The following NALF1 variants were observed in gnomAD, a reference collection of about 807,000 sequenced individuals.
NALF1 encodes the protein family with sequence similarity 155 member A.
A neutral mutation model predicts 48.4 loss-of-function variants in NALF1; 3 were observed. The observed-to-expected ratio is 0.06, with a 90% CI of 0.03 to 0.16. The LOEUF (loss-of-function observed/expected upper bound fraction) is 0.16. NALF1 is among the 10% of genes least tolerant of loss of function. NALF1 has a pLI of 1.00. For missense variants in NALF1, 526 were observed against 571.5 expected (o/e 0.92, Z 0.81); for synonymous variants, 262 against 245.7 (o/e 1.07, Z -0.62).
At chr13:107,435,062 T>C (rs1383868991) in intron 1 of NALF1, among the ~76,000 whole-genome samples, 1 of 152,058 alleles carries the variant, frequency 6.6e-6, no homozygotes, top group Non-Finnish European at 1.5e-5. Flanking sequence ...TGTCCTGCTT[T>C]GGTTCTATGA....
chr13:107,680,078 AGTGCCCAGGTGCCCAT>A (rs1881240427), intron 1 of NALF1, among the ~76,000 whole-genome samples: 1 of 152,112 alleles, frequency 6.6e-6, no homozygotes, highest in Non-Finnish European at 1.5e-5. Context: ...TCCCTGCCTG[AGTGCCCAGGTGCCCAT>A]GTGCCCAGGT....
At chr13:107,809,867 C>G (rs1878933236) in intron 1 of NALF1, among the ~76,000 whole-genome samples, 1 of 152,044 alleles carries the variant, frequency 6.6e-6, no homozygotes, top group African/African-American at 2.4e-5. Context: ...CATTTATCAA[C>G]TGCATTCTGT....
chr13:107,440,727 T>G (rs1174262911), intron 1 of NALF1, among the ~76,000 whole-genome samples: 1 of 152,142 alleles, frequency 6.6e-6, no homozygotes, highest in East Asian at 1.9e-4. Context: ...AAATTGGATT[T>G]TTGTGAACTA....
chr13:107,363,752 T>A (rs558132196), intron 1 of NALF1, among the ~76,000 whole-genome samples: 54 of 152,348 alleles, frequency 3.5e-4, no homozygotes, highest in African/African-American at 1.2e-3. Context: ...GCCCTAAAGT[T>A]TTCTTGGATC....
chr13:107,456,289 A>G (rs936514985), intron 1 of NALF1, among the ~76,000 whole-genome samples: 2 of 152,226 alleles, frequency 1.3e-5, no homozygotes, highest in Non-Finnish European at 2.9e-5. Context: ...GCATGAAAGT[A>G]AAAGCAATGG....
chr13:107,296,116 T>C (rs1003150634), intron 1 of NALF1, among the ~76,000 whole-genome samples: 1 of 152,232 alleles, frequency 6.6e-6, no homozygotes, highest in African/African-American at 2.4e-5. Flanking sequence ...TCTAATTTAA[T>C]AATACATGAA....
intron 2 of NALF1, among the ~76,000 whole-genome samples, chr13:107,203,097 G>A (rs765349891): frequency 9.9e-5 from 15 of 152,124 alleles, no homozygotes; most frequent in Non-Finnish European, 1.9e-4. Flanking sequence ...CAAAGAATTC[G>A]CGAATTCTTC....
At chr13:107,598,866 T>A (rs759509319) in intron 1 of NALF1, among the ~76,000 whole-genome samples, 10 of 152,182 alleles carry the variant, frequency 6.6e-5, no homozygotes, top group African/African-American at 2.4e-4. Flanking sequence ...TTCTCACTTA[T>A]CATGATCTGA....
At chr13:107,194,356 T>C (rs769584600) in intron 2 of NALF1, among the ~76,000 whole-genome samples, 3 of 152,178 alleles carry the variant, frequency 2.0e-5, no homozygotes, top group South Asian at 2.1e-4. Flanking sequence ...CAAAACAGCA[T>C]GGTATGCATA....
In NALF1 at chr13:107,680,414, G is replaced by A. The variant is rs541781047; in HGVS notation, c.915+185268C>T. ...CTTACGTTCATACGTGTATGAGTGT[G>A]TGTGCGTGTGAGTGTGAACATGTGA... On this transcript the variant is annotated intron_variant, in intron 1 of 2. Coordinates refer to ENST00000375915, the MANE Select transcript of NALF1 (RefSeq NM_001080396.3). Among the ~76,000 whole-genome samples, 286 of 152,226 alleles carry A rather than the reference G, an allele frequency of 1.9e-3. 10 individuals are homozygous for A. The East Asian group carries it at 0.046, about 24-fold the overall frequency.
At chr13:107,551,384 T>G (rs1877288961) in intron 1 of NALF1, among the ~76,000 whole-genome samples, 1 of 152,174 alleles carries the variant, frequency 6.6e-6, no homozygotes, top group Admixed American at 6.5e-5. Flanking sequence ...GAATCCACAG[T>G]AATTTTAAAA....
chr13:107,419,346 G>C (rs540463963), intron 1 of NALF1, among the ~76,000 whole-genome samples: 2 of 152,320 alleles, frequency 1.3e-5, no homozygotes, highest in South Asian at 4.1e-4. Flanking sequence ...ATATGTGCCT[G>C]TCTCTAAACC....
Position 107,867,145 on chromosome 13 carries a change from C to T in NALF1, c.-549G>A, listed in dbSNP as rs527313704. Among the ~76,000 whole-genome samples, 3 of 151,706 alleles carry T rather than the reference C, an allele frequency of 2.0e-5. No homozygotes were observed. In the South Asian group the frequency reaches 6.2e-4, roughly 31 times the overall value. On this transcript the variant is annotated 5_prime_UTR_variant, in exon 1 of 3. Coordinates refer to ENST00000375915, the MANE Select transcript of NALF1 (RefSeq NM_001080396.3). The surrounding 1 kb of genome is among the most constrained non-coding windows in gnomAD (Gnocchi z 4.4). The stretch of plus-strand genomic sequence containing the variant: ...CTCCCCTCCTCCTCCTCCTCCTCCT[C>T]TTCTTCTCCTCCTCTTCCTCCTCCT...
At chr13:107,747,222 CAGCATT>C (rs1470837467) in intron 1 of NALF1, among the ~76,000 whole-genome samples, 4 of 152,326 alleles carry the variant, frequency 2.6e-5, no homozygotes, top group African/African-American at 4.8e-5. Flanking sequence ...CATTTCTTCA[CAGCATT>C]ATTTGCTATT....
chr13:107,254,062 A>AAAAAATATATATATATATATATATAT, intron 1 of NALF1, among the ~76,000 whole-genome samples: 3 of 138,682 alleles, frequency 2.2e-5, no homozygotes, highest in African/African-American at 8.1e-5. Context: ...CAAGTACTAA[A>AAAAAATATATATATATATATATATAT]ATATATATAT....
intron 1 of NALF1, among the ~76,000 whole-genome samples, chr13:107,591,395 A>C (rs1202538800): frequency 6.6e-6 from 1 of 152,084 alleles, no homozygotes; most frequent in Non-Finnish European, 1.5e-5. Context: ...GAAAGATTTC[A>C]GTACATCCAA....
At chr13:107,336,394 A>AATAAT (rs1566488507) in intron 1 of NALF1, among the ~76,000 whole-genome samples, 27 of 100,666 alleles carry the variant, frequency 2.7e-4, no homozygotes, top group East Asian at 5.5e-4. Flanking sequence ...ATAATAATAA[A>AATAAT]AAATCTAATA....
intron 1 of NALF1, among the ~76,000 whole-genome samples, chr13:107,814,495 T>C (rs974765298): frequency 1.3e-5 from 2 of 152,066 alleles, no homozygotes; most frequent in Non-Finnish European, 2.9e-5. Flanking sequence ...AGGTATATTA[T>C]GCGAACAGCA....
chr13:107,664,272 C>T (rs1880802078), intron 1 of NALF1, among the ~76,000 whole-genome samples: 1 of 152,258 alleles, frequency 6.6e-6, no homozygotes, highest in Non-Finnish European at 1.5e-5. Flanking sequence ...TGTGTTGGTT[C>T]TACCTTCCGG....
Sources: gnomAD v4.1 joint callset for allele counts (sites outside exome capture counted in the v4.1 genomes callset) on GRCh38, gnomAD v4.1.1 for gene constraint, Gnocchi (gnomAD v3.1) non-coding constraint, MANE v1.5 for transcripts, NCBI Gene and HGNC (gene_info 2026-07-23, HGNC 2026-07-21) for gene names.